The following COL22A1 variants were observed in gnomAD, a reference collection of about 807,000 sequenced individuals.
The protein encoded by COL22A1 is collagen alpha-1(XXII) chain.
COL22A1 carries 221 observed loss-of-function variants against 248.9 expected under a neutral mutation model. That is an observed-to-expected ratio of 0.89 (90% CI 0.80 to 0.99). The LOEUF is 0.99. Ranked by LOEUF, COL22A1 falls within the 50% of genes least tolerant of loss-of-function variation. The pLI is 0.00. For synonymous variants in COL22A1, 891 were observed against 793.4 expected, an observed-to-expected ratio of 1.12 and a Z score of -2.07; for missense variants, 2,240 against 2,179.0, an observed-to-expected ratio of 1.03 and a Z score of -0.56.
chr8:138,801,746 G>A (rs934678240), intron 11 of COL22A1, among the ~76,000 whole-genome samples: 3 of 152,170 alleles, frequency 2.0e-5, no homozygotes, highest in Non-Finnish European at 4.4e-5. Context: ...GGGCATGGTG[G>A]CACACACACA....
chr8:138,663,868 G>A, intron 41 of COL22A1, 128 bp from the exon 42 acceptor site: 1 of 718,006 alleles, frequency 1.4e-6, no homozygotes, highest in East Asian at 2.6e-5. Context: ...CTCCCACCTT[G>A]AAGCCACACT....
intron 22 of COL22A1, among the ~76,000 whole-genome samples, chr8:138,739,782 A>G (rs1023308467): frequency 3.3e-5 from 5 of 152,222 alleles, no homozygotes; most frequent in Non-Finnish European, 7.3e-5. Context: ...GGAAGGGAAG[A>G]TACAACTTGG....
chr8:138,778,120 A>T, intron 15 of COL22A1: 1 of 592,508 alleles, frequency 1.7e-6, no homozygotes, highest in South Asian at 1.9e-5. Context: ...CTGCTTCTTG[A>T]TGTGAGAAAG....
chr8:138,705,616 G>T (rs911242419), intron 30 of COL22A1, among the ~76,000 whole-genome samples: 1 of 152,160 alleles, frequency 6.6e-6, no homozygotes, highest in Non-Finnish European at 1.5e-5. Flanking sequence ...TGCCTTATGA[G>T]AGCTCTTGAA....
intron 5 of COL22A1, among the ~76,000 whole-genome samples, chr8:138,831,129 G>A (rs1239475449): frequency 6.6e-6 from 1 of 152,148 alleles, no homozygotes; most frequent in Non-Finnish European, 1.5e-5. Flanking sequence ...CGGATGAAAT[G>A]ACATTAGGGT....
intron 30 of COL22A1, among the ~76,000 whole-genome samples, chr8:138,710,320 A>C (rs1828845398): frequency 6.6e-6 from 1 of 152,232 alleles, no homozygotes; most frequent in South Asian, 2.1e-4. Flanking sequence ...CCCAGGGGAC[A>C]GGTGTCTATG....
chr8:138,881,314 G>C (rs1201745161), intron 2 of COL22A1, among the ~76,000 whole-genome samples: 4 of 88,202 alleles, frequency 4.5e-5, no homozygotes, highest in African/African-American at 1.5e-4. Context: ...AAAAAAAAAA[G>C]CAAGAGACAA....
intron 7 of COL22A1, among the ~76,000 whole-genome samples, chr8:138,820,566 G>A (rs185755935): frequency 6.6e-6 from 1 of 152,250 alleles, no homozygotes; most frequent in East Asian, 1.9e-4. Context: ...GTTATTGCCA[G>A]TTGTTATCCC....
intron 22 of COL22A1, among the ~76,000 whole-genome samples, chr8:138,739,105 T>C (rs1286115425): frequency 6.6e-6 from 1 of 152,174 alleles, no homozygotes; most frequent in African/African-American, 2.4e-5. Context: ...GATGATATCA[T>C]TAAAACATAA....
chr8:138,850,306 G>A (rs536663462), intron 3 of COL22A1, among the ~76,000 whole-genome samples: 1 of 152,188 alleles, frequency 6.6e-6, no homozygotes, highest in African/African-American at 2.4e-5. Flanking sequence ...TGGTCAGAGT[G>A]CCAGGTGTTT....
At chr8:138,641,319 T>C (rs1023217222) in intron 47 of COL22A1, among the ~76,000 whole-genome samples, 3 of 152,182 alleles carry the variant, frequency 2.0e-5, no homozygotes, top group Non-Finnish European at 2.9e-5. Context: ...TCATTGGGTG[T>C]CTCTGGATCC....
intron 9 of COL22A1, among the ~76,000 whole-genome samples, chr8:138,808,046 C>T (rs1270320692): frequency 1.3e-5 from 2 of 152,104 alleles, no homozygotes; most frequent in East Asian, 1.9e-4. Flanking sequence ...CCGGTGGACA[C>T]AAGATAGAAA....
intron 62 of COL22A1, 133 bp downstream of exon 62, chr8:138,596,771 C>A: frequency 2.6e-6 from 2 of 774,408 alleles, no homozygotes; most frequent in Non-Finnish European, 4.4e-6. Context: ...CATTCCCCAA[C>A]CCTGATAGTC....
At chr8:138,832,278 T>G (rs1444765599) in intron 5 of COL22A1, among the ~76,000 whole-genome samples, 1 of 152,172 alleles carries the variant, frequency 6.6e-6, no homozygotes, top group African/African-American at 2.4e-5. Context: ...TTTCATTTTT[T>G]TACTTTCTTA....
intron 58 of COL22A1, among the ~76,000 whole-genome samples, chr8:138,605,416 G>A (rs1818346442): frequency 6.6e-6 from 1 of 152,210 alleles, no homozygotes; most frequent in Admixed American, 6.5e-5. Flanking sequence ...TGGCTGCTCA[G>A]TAGCAGCAGA....
At chr8:138,738,402 C>T (rs903779023) in intron 22 of COL22A1, among the ~76,000 whole-genome samples, 1 of 152,196 alleles carries the variant, frequency 6.6e-6, no homozygotes, top group African/African-American at 2.4e-5. Flanking sequence ...GAACAGAATA[C>T]AGCCCTTTTT....
intron 11 of COL22A1, among the ~76,000 whole-genome samples, chr8:138,800,772 G>A (rs778961001): frequency 2.6e-5 from 4 of 152,188 alleles, no homozygotes; most frequent in Non-Finnish European, 5.9e-5. Context: ...AATTCAGAAT[G>A]TCCTCCCAAT....
intron 3 of COL22A1, among the ~76,000 whole-genome samples, chr8:138,863,918 C>T (rs758799174): frequency 5.9e-5 from 9 of 152,306 alleles, no homozygotes; most frequent in Non-Finnish European, 1.0e-4. Context: ...AAAGGGTTTC[C>T]GCTCTCGGAT....
At chr8:138,891,488 C>T (rs1231730778) in intron 1 of COL22A1, among the ~76,000 whole-genome samples, 1 of 152,238 alleles carries the variant, frequency 6.6e-6, no homozygotes, top group Admixed American at 6.5e-5. Context: ...ACGTACATTA[C>T]ATGCTCATAA....
Sources: allele counts gnomAD v4.1 joint callset (sites outside exome capture counted in the v4.1 genomes callset), GRCh38; gene constraint gnomAD v4.1.1; transcripts MANE v1.5; gene names NCBI Gene and HGNC (gene_info 2026-07-23, HGNC 2026-07-21).